EMX1: variants seen among roughly 807,000 people sequenced by gnomAD.
EMX1 encodes empty spiracles homeobox 1.
EMX1 carries 10 observed loss-of-function variants against 20.1 expected under a neutral mutation model. The ratio of observed to expected loss-of-function variants is 0.50; its 90% CI spans 0.31 to 0.84. The LOEUF is 0.84. Among genes scored for constraint, EMX1 ranks in the 40% least tolerant of loss-of-function variants. The pLI is 0.05. For synonymous variants in EMX1, 250 were observed against 200.4 expected (o/e 1.25, Z -2.09); for missense variants, 424 against 431.9 (o/e 0.98, Z 0.16).
Position 72,933,964 on chromosome 2 carries a change from C to T in EMX1, c.*10C>T, listed in dbSNP as rs774433685. 4 of 1,614,166 alleles carry T rather than the reference C, an allele frequency of 2.5e-6. No homozygotes were observed. In the Admixed American group the frequency reaches 6.7e-5, roughly 27 times the overall value. On this transcript the variant is annotated 3_prime_UTR_variant, in exon 3 of 3. Transcript: ENST00000258106. The stretch of plus-strand genomic sequence containing the variant: ...CACCTCCAATGACTAGGGTGGGCAA[C>T]CACAAACCCACGAGGGCAGAGTGCT...
intron 2 of EMX1, among the ~76,000 whole-genome samples, chr2:72,928,572 A>G (rs1171958290): frequency 6.6e-6 from 1 of 152,318 alleles, no homozygotes; most frequent in East Asian, 1.9e-4. Flanking sequence ...AGGCTGATCA[A>G]CTGGTCAGTG....
At chr2:72,916,221 A>C (rs1366944422), upstream of EMX1, 2 of 161,948 alleles carry the variant, frequency 1.2e-5, no homozygotes, top group Non-Finnish European at 1.3e-5. Flanking sequence ...CCCGGCGCTC[A>C]GGCGGGCCGC....
intron 2 of EMX1, 180 bp from the exon 3 acceptor site, chr2:72,933,607 T>A (rs1213228260): frequency 1.2e-5 from 8 of 660,726 alleles, no homozygotes; most frequent in Non-Finnish European, 2.0e-5. Flanking sequence ...GCCATCCCCT[T>A]CTGTGAATGT....
chr2:72,922,221 A>T (rs1455624364), intron 1 of EMX1, among the ~76,000 whole-genome samples: 3 of 152,270 alleles, frequency 2.0e-5, no homozygotes, highest in African/African-American at 7.2e-5. Context: ...ACCCAGGTTC[A>T]TAACAATGTT....
chr2:72,926,217 G>A, intron 2 of EMX1: 1 of 985,380 alleles, frequency 1.0e-6, no homozygotes, highest in Non-Finnish European at 1.2e-6. Flanking sequence ...AGCTCAGTGA[G>A]AGCATTTTTA....
Position 72,918,236 on chromosome 2 carries a change from G to A in EMX1, c.384G>A (p.Leu128=), listed in dbSNP as rs757009245. The part of the protein sequence containing the change: ...VFPEAMNHPA[L]TVHPAHQLGA... ...CCGAGGCCATGAACCACCCCGCGCT[G>A]ACCGTGCATCCGGCGCACCAGCTGG... The change falls in exon 1 of 3, where the codon CTG becomes CTA. Residue 128 remains leucine, a synonymous_variant. Transcript: ENST00000258106. The A allele has an allele frequency of 4.4e-6, 7 of 1,581,960 alleles. No individual in the cohort carries two copies. The highest frequency in any genetic ancestry group is 1.4e-5 in the African/African-American group (1 of 72,614).
intron 2 of EMX1, chr2:72,933,339 C>G (rs1395870069): frequency 6.4e-6 from 1 of 155,302 alleles, no homozygotes; most frequent in African/African-American, 2.4e-5. Flanking sequence ...TGTGGGAGAT[C>G]ATGGGAACCC....
Position 72,917,638 on chromosome 2 carries a change from T to C in EMX1, c.-215T>C. 1 of 262,268 alleles carries C rather than the reference T, an allele frequency of 3.8e-6. No individual in the cohort carries two copies. Among genetic ancestry groups the C allele is most frequent in the Non-Finnish European group, 6.9e-6 (1 of 145,698 alleles). 16.2% of individuals were successfully genotyped at this position (262,268 alleles called of 1,614,324 possible). ...GGGAGACGAGCTCAACCCTCGGGCC[T>C]TACTGGCAGCTCGCAGCCTAGCACG... On this transcript the variant is annotated 5_prime_UTR_variant, in exon 1 of 3. Transcript: ENST00000258106.
Position 72,918,118 on chromosome 2 carries a change from G to A in EMX1, c.266G>A (p.Ser89Asn), listed in dbSNP as rs765257725. 1.2e-5 allele frequency: 18 copies of A among 1,479,830 alleles called. No individual in the cohort carries two copies. The highest frequency in any genetic ancestry group is 4.9e-5 in the Admixed American group (2 of 41,094). The allele number at this position is 1,479,830 out of a possible 1,614,324, so 91.7% of individuals were successfully genotyped here. A position where few individuals can be genotyped will look rare whatever the true frequency, so the allele number is the denominator to read the frequency against. Residue 89 changes from serine to asparagine, a missense_variant, in exon 1 of 3, where the codon AGC becomes AAC. Ser to Asn is a conservative substitution (Grantham distance 46). This residue lies in a region of EMX1 where 333 missense variants were observed against 296.6 expected (regional missense o/e 1.12). Transcript: ENST00000258106. ...RPTALNYPHP[S>N]AAEAAFVSGF... ...ACGGCGCTCAACTACCCTCACCCCA[G>A]CGCGGCCGAGGCGGCCTTCGTGAGT...
rs1171713641 is a variant in EMX1, at chr2:72,918,176, C to T, written c.324C>T (p.Gly108=). 3.3e-6 allele frequency: 5 copies of T among 1,521,138 alleles called. No individual in the cohort carries two copies. Among genetic ancestry groups the T allele is most frequent in the African/African-American group, 2.9e-5 (2 of 68,912 alleles). 94.2% of individuals were successfully genotyped at this position (1,521,138 alleles called of 1,614,324 possible). A position where few individuals can be genotyped will look rare whatever the true frequency, so the allele number is the denominator to read the frequency against. The stretch of plus-strand genomic sequence containing the variant: ...CTGCCGCGGCCGCCGCGGGCGCGGG[C>T]CGCTCGCTCTACGGTGGGCCCGAGC... The part of the protein sequence containing the change: ...GFPAAAAAGA[G]RSLYGGPELV... Residue 108 remains glycine (G), a synonymous_variant, in exon 1 of 3, where the codon GGC becomes GGT. Transcript: ENST00000258106.
upstream of EMX1, chr2:72,917,192 G>A (rs1049446360): frequency 1.7e-6 from 1 of 605,638 alleles, no homozygotes; most frequent in African/African-American, 1.9e-5. Context: ...GACATCCCGG[G>A]ACGAATGGGA....
intron 2 of EMX1, chr2:72,925,919 G>A (rs906636020): frequency 1.0e-6 from 1 of 985,244 alleles, no homozygotes; most frequent in African/African-American, 1.7e-5. Context: ...CAGGGAAAAA[G>A]CTTACAAAAC....
At chr2:72,929,860 C>T (rs1285110918) in intron 2 of EMX1, among the ~76,000 whole-genome samples, 1 of 152,206 alleles carries the variant, frequency 6.6e-6, no homozygotes, top group Non-Finnish European at 1.5e-5. Flanking sequence ...CAAACTGATA[C>T]ATTCATTCAT....
At chr2:72,916,914 C>T (rs761789186), upstream of EMX1, 11 of 717,286 alleles carry the variant, frequency 1.5e-5, no homozygotes, top group African/African-American at 8.7e-5. Flanking sequence ...GGGACCGCTC[C>T]GGCGGCTTCT....
chr2:72,917,998 T>G lies in EMX1; in HGVS notation c.146T>G (p.Val49Gly). The change falls in exon 1 of 3, where the codon GTG becomes GGG. Residue 49 changes from valine to glycine, a missense_variant. Physicochemically the swap from Val to Gly is moderately radical, Grantham distance 109. Transcript: ENST00000258106. ...CGCGGCTTTACCATAGAGTCCTTGGTGGCCAAGGACGGCGGCACCGGCGGG... is the reference window on the plus strand; with the variant it reads ...CGCGGCTTTACCATAGAGTCCTTGGGGGCCAAGGACGGCGGCACCGGCGGG... ...AKRGFTIESL[V>G]AKDGGTGGGT... 1 of 1,463,636 alleles carries G rather than the reference T, an allele frequency of 6.8e-7. No individual in the cohort carries two copies. Among genetic ancestry groups the G allele is most frequent in the Non-Finnish European group, 9.0e-7 (1 of 1,115,888 alleles). The allele number at this position is 1,463,636 out of a possible 1,614,324, so 90.7% of individuals were successfully genotyped here.
At chr2:72,924,251 C>G in intron 1 of EMX1, 58 bp from the exon 2 acceptor site, 1 of 1,536,190 alleles carries the variant, frequency 6.5e-7, no homozygotes, top group Non-Finnish European at 8.7e-7. Context: ...CCCCGGCTCA[C>G]GGCGCCCCTT....
At chr2:72,921,349 T>A (rs952212203) in intron 1 of EMX1, among the ~76,000 whole-genome samples, 1 of 152,164 alleles carries the variant, frequency 6.6e-6, no homozygotes, top group African/African-American at 2.4e-5. Flanking sequence ...GACAGCCCGT[T>A]CTCACAGCCC....
chr2:72,924,314 G>T lies in EMX1; in HGVS notation c.526G>T (p.Asp176Tyr). 6.4e-7 allele frequency: 1 copy of T among 1,565,556 alleles called. No individual in the cohort carries two copies. The highest frequency in any genetic ancestry group is 8.6e-7 in the Non-Finnish European group (1 of 1,163,492). Residue 176 changes from aspartate (D) to tyrosine (Y), a missense_variant, in exon 2 of 3, where the codon GAC becomes TAC. Transcript: ENST00000258106. ...CGTCGGCGGCGGGGCCGCAGCCAGCGACGTGCCCCAGGACGGGCTGCTTCT... is the reference window on the plus strand; with the variant it reads ...CGTCGGCGGCGGGGCCGCAGCCAGCTACGTGCCCCAGGACGGGCTGCTTCT... ...RFFGHRFQASDVPQDGLLLHG... is the reference protein window; with the variant it reads ...RFFGHRFQASYVPQDGLLLHG...
chr2:72,933,850 C>A lies in EMX1; in HGVS notation c.769C>A (p.Pro257Thr). ...YKRQKLEEEG[P>T]ESEQKKKGSH... ...ACGGCAGAAGCTGGAGGAGGAAGGG[C>A]CTGAGTCCGAGCAGAAGAAGAAGGG... Residue 257 changes from proline to threonine, a missense_variant, in exon 3 of 3, where the codon CCT becomes ACT. Pro to Thr is a conservative substitution (Grantham distance 38). Transcript: ENST00000258106. 1.9e-6 allele frequency: 3 copies of A among 1,614,240 alleles called. No individual in the cohort carries two copies. Among genetic ancestry groups the A allele is most frequent in the Non-Finnish European group, 2.5e-6 (3 of 1,180,040 alleles).
Sources: gnomAD v4.1 joint callset for allele counts (sites outside exome capture counted in the v4.1 genomes callset) on GRCh38, gnomAD v4.1.1 for gene constraint, gnomAD v4.1.1 regional missense constraint, MANE v1.5 for transcripts, NCBI Gene and HGNC (gene_info 2026-07-23, HGNC 2026-07-21) for gene names.